AMER3: variants seen among roughly 807,000 people sequenced by gnomAD.
AMER3 encodes the protein APC membrane recruitment protein 3.
For missense variants in AMER3, 1,201 were observed against 1,139.4 expected (o/e 1.05, Z -0.78); for synonymous variants, 541 against 485.5 (o/e 1.11, Z -1.50).
chr2:130,762,827 A>C lies in AMER3; in HGVS notation c.755A>C (p.Glu252Ala). The change falls in exon 2 of 2, where the codon GAG becomes GCG. Residue 252 changes from glutamate to alanine, a missense_variant. Transcript: ENST00000321420. ...TTCGACTCGCTCACGGGTTGTGGGGAGGTGTTCGCAGATGAGAGCTCGGTG... is the reference window on the plus strand; with the variant it reads ...TTCGACTCGCTCACGGGTTGTGGGGCGGTGTTCGCAGATGAGAGCTCGGTG... ...QSFDSLTGCG[E>A]VFADESSVPS... is the part of the protein sequence containing the mutation. The C allele has an allele frequency of 6.2e-7, 1 of 1,613,312 alleles. No individual in the cohort carries two copies. The highest frequency in any genetic ancestry group is 8.5e-7 in the Non-Finnish European group (1 of 1,179,892).
Position 130,764,452 on chromosome 2 carries a change from G to C in AMER3, c.2380G>C (p.Glu794Gln). The C allele has an allele frequency of 6.2e-7, 1 of 1,602,596 alleles. No homozygotes were observed. Among genetic ancestry groups the C allele is most frequent in the South Asian group, 1.1e-5 (1 of 89,544 alleles). ...GGCACACGGCAGCCAGCTGGACTCT[G>C]AGCCCCGCTCAGCCCCTGCTGCCCG... ...QVAHGSQLDS[E>Q]PRSAPAARWS... The change falls in exon 2 of 2, where the codon GAG becomes CAG. Residue 794 changes from glutamate to glutamine, a missense_variant. Physicochemically the swap from Glu to Gln is conservative, Grantham distance 29 (BLOSUM62 2). Transcript: ENST00000321420.
rs1245031408 is a variant in AMER3 at position 130,755,956 on chromosome 2, G to A, written c.-20+282G>A. On this transcript the variant is annotated intron_variant, in intron 1 of 1. Coordinates refer to ENST00000321420, the MANE Select transcript of AMER3 (RefSeq NM_152698.3). ...ACAGCGGCGGGGGCGCCGTGCGCAC[G>A]GGGGCGAGGGGAGACGACTGCACCT... The A allele has an allele frequency of 2.6e-5, 4 of 152,324 alleles. No individual in the cohort carries two copies. In the East Asian group the frequency reaches 7.8e-4, roughly 30 times the overall value. The allele number at this position is 152,324 out of a possible 1,614,324, so 9.4% of individuals were successfully genotyped here.
At chr2:130,757,023 G>A (rs1213914801) in intron 1 of AMER3, among the ~76,000 whole-genome samples, 1 of 152,120 alleles carries the variant, frequency 6.6e-6, no homozygotes, top group African/African-American at 2.4e-5. Context: ...ACCGGGGAAG[G>A]CATAGAAAAT....
At chr2:130,758,428 A>AGGAG (rs1260020738) in intron 1 of AMER3, among the ~76,000 whole-genome samples, 3 of 151,314 alleles carry the variant, frequency 2.0e-5, no homozygotes, top group Non-Finnish European at 4.4e-5. Flanking sequence ...GAAAGAAAGA[A>AGGAG]GGAGGGAGGG....
rs1678815044 is a variant in AMER3, at chr2:130,762,451, A to T, written c.379A>T (p.Ile127Phe). Residue 127 changes from isoleucine (I) to phenylalanine (F), a missense_variant, in exon 2 of 2, where the codon ATC (isoleucine) becomes TTC (phenylalanine). Coordinates refer to ENST00000321420, the MANE Select transcript of AMER3 (RefSeq NM_152698.3). Reference protein sequence around the residue: ...FPGSPGSRRMIDYRHFVPQMP... With the variant: ...FPGSPGSRRMFDYRHFVPQMP... Reference sequence around the variant, plus strand: ...GGGCTCCCCGGGCAGCCGGCGCATGATCGACTACCGCCACTTTGTGCCCCA... The same window carrying T: ...GGGCTCCCCGGGCAGCCGGCGCATGTTCGACTACCGCCACTTTGTGCCCCA... 6.2e-7 allele frequency: 1 copy of T among 1,612,858 alleles called. No homozygotes were observed. Among genetic ancestry groups the T allele is most frequent in the Non-Finnish European group, 8.5e-7 (1 of 1,179,978 alleles).
rs746316318 is a variant in AMER3 at position 130,762,134 on chromosome 2, C to T, written c.62C>T (p.Pro21Leu). The part of the protein sequence containing the change: ...KSSLQVSHEK[P>L]PDPAAVAAAR... ...AGCCTGCAGGTTTCCCACGAGAAAC[C>T]CCCAGACCCAGCAGCCGTGGCTGCA... The change falls in exon 2 of 2, where the codon CCC (proline) becomes CTC (leucine). Residue 21 changes from proline (P) to leucine (L), a missense_variant. By Grantham distance (98) the Pro-to-Leu change is moderately conservative. Coordinates refer to ENST00000321420, the MANE Select transcript of AMER3 (RefSeq NM_152698.3). 2.3e-5 allele frequency: 37 copies of T among 1,610,456 alleles called. No homozygotes were observed. The Middle Eastern group carries it at 4.9e-4, about 21-fold the overall frequency.
rs1029828049 is a variant in AMER3, at chr2:130,764,254, A to G, written c.2182A>G (p.Met728Val). 2.5e-6 allele frequency: 4 copies of G among 1,610,330 alleles called. No individual in the cohort carries two copies. The highest frequency in any genetic ancestry group is 3.4e-6 in the Non-Finnish European group (4 of 1,178,332). The change falls in exon 2 of 2, where the codon ATG becomes GTG. Residue 728 changes from methionine (M) to valine (V), a missense_variant. By Grantham distance (21) the Met-to-Val change is conservative. Transcript: ENST00000321420. ...EQKQSSSSPSMTTIHGLPYSA... is the reference protein window; with the variant it reads ...EQKQSSSSPSVTTIHGLPYSA... Reference sequence around the variant, plus strand: ...GAAACAGTCCAGCAGCTCCCCCAGCATGACCACCATCCATGGCCTACCCTA... The same window carrying G: ...GAAACAGTCCAGCAGCTCCCCCAGCGTGACCACCATCCATGGCCTACCCTA...
chr2:130,759,282 T>C (rs887603520), intron 1 of AMER3, among the ~76,000 whole-genome samples: 3 of 152,244 alleles, frequency 2.0e-5, no homozygotes, highest in Admixed American at 1.3e-4. Context: ...TAAAGGATCA[T>C]TTTTCAAGTT....
Position 130,764,500 on chromosome 2 carries a change from C to A in AMER3, c.2428C>A (p.Pro810Thr). Residue 810 changes from proline (P) to threonine (T), a missense_variant, in exon 2 of 2, where the codon CCA (proline) becomes ACA (threonine). Coordinates refer to ENST00000321420, the MANE Select transcript of AMER3 (RefSeq NM_152698.3). ...AARWSSQGHH[P>T]ESLGLTLNSQ... ...CCGGTGGAGTTCCCAGGGCCACCAT[C>A]CAGAAAGCCTGGGCCTCACTTTGAA... is the stretch of plus-strand genomic sequence containing the variant. 6.2e-7 allele frequency: 1 copy of A among 1,601,162 alleles called. No individual in the cohort carries two copies. Among genetic ancestry groups the A allele is most frequent in the Non-Finnish European group, 8.5e-7 (1 of 1,174,474 alleles).
intron 1 of AMER3, among the ~76,000 whole-genome samples, chr2:130,760,002 G>C (rs923122224): frequency 3.9e-5 from 6 of 152,196 alleles, no homozygotes; most frequent in Admixed American, 2.0e-4. Flanking sequence ...GAGCTTCGGA[G>C]GCCTTATCAC....
In AMER3 at chr2:130,766,483, CTTT is replaced by C. The variant is rs913069900; in HGVS notation, c.*1848_*1850del. ...GGCATGGCACCAGCATCTGCTGCTG[CTTT>C]TTTTTTTTTTTTTTTTTTTTTTGAG... On this transcript the variant is annotated 3_prime_UTR_variant, in exon 2 of 2. Coordinates refer to ENST00000321420, the MANE Select transcript of AMER3 (RefSeq NM_152698.3). 0.019 allele frequency: 1,682 copies of C among 86,868 alleles called. 14 individuals carry two copies. The highest frequency in any genetic ancestry group is 0.079 in the African/African-American group (1,541 of 19,470). 5.4% of individuals were successfully genotyped at this position (86,868 alleles called of 1,614,324 possible). A position where few individuals can be genotyped will look rare whatever the true frequency, so the allele number is the denominator to read the frequency against.
At chr2:130,760,879 G>A (rs189077324) in intron 1 of AMER3, among the ~76,000 whole-genome samples, 2 of 152,058 alleles carry the variant, frequency 1.3e-5, no homozygotes, top group South Asian at 2.1e-4. Flanking sequence ...TTCCCTCCTC[G>A]AGCTGTCCCA....
chr2:130,764,984 G>T lies in AMER3; in HGVS notation c.*326G>T. On this transcript the variant is annotated 3_prime_UTR_variant, in exon 2 of 2. Coordinates refer to ENST00000321420, the MANE Select transcript of AMER3 (RefSeq NM_152698.3). ...TAAATGGGAAGCAGAGAGCCAATGAGTCTGCCTGGGATGTGTGTGAATCCC... is the reference window on the plus strand; with the variant it reads ...TAAATGGGAAGCAGAGAGCCAATGATTCTGCCTGGGATGTGTGTGAATCCC... The T allele has an allele frequency of 3.6e-6, 1 of 276,698 alleles. No individual in the cohort carries two copies. The highest frequency in any genetic ancestry group is 7.3e-6 in the Non-Finnish European group (1 of 136,892). 17.1% of individuals were successfully genotyped at this position (276,698 alleles called of 1,614,324 possible). A position where few individuals can be genotyped will look rare whatever the true frequency, so the allele number is the denominator to read the frequency against.
At position 130,763,415 on chromosome 2, in the gene AMER3, T is replaced by C; in HGVS notation, c.1343T>C (p.Leu448Pro). 2 of 1,612,948 alleles carry C rather than the reference T, an allele frequency of 1.2e-6. No individual in the cohort carries two copies. Among genetic ancestry groups the C allele is most frequent in the Non-Finnish European group, 1.7e-6 (2 of 1,179,982 alleles). Residue 448 changes from leucine (L) to proline (P), a missense_variant, in exon 2 of 2, where the codon CTG (leucine) becomes CCG (proline). By Grantham distance (98) the Leu-to-Pro change is moderately conservative. Coordinates refer to ENST00000321420, the MANE Select transcript of AMER3 (RefSeq NM_152698.3). The stretch of plus-strand genomic sequence containing the variant: ...GATGACCTGTGCGTGTCTGAGAGTC[T>C]GTCAGGGCCGGCCCTGGGGACGCCA... ...PDDDLCVSES[L>P]SGPALGTPLS...
chr2:130,760,183 T>C (rs1678735203), intron 1 of AMER3, among the ~76,000 whole-genome samples: 1 of 152,186 alleles, frequency 6.6e-6, no homozygotes, highest in African/African-American at 2.4e-5. Flanking sequence ...CCAGCCCAGG[T>C]TCTGTGGCTC....
Position 130,762,661 on chromosome 2 carries a change from C to T in AMER3, c.589C>T (p.Arg197Ter), listed in dbSNP as rs1553491167. 2 of 1,610,674 alleles carry T rather than the reference C, an allele frequency of 1.2e-6. No individual in the cohort carries two copies. The highest frequency in any genetic ancestry group is 1.7e-6 in the Non-Finnish European group (2 of 1,179,608). ...GGACCCGTCAGACCCTGGGGGGCGG[C>T]GAAGCAAAGCCTTCCTCCCCCCGGG... ...PGDPSDPGGR[R>*]SKAFLPPGEG... Residue 197 changes from arginine (R) to a stop codon, truncating the protein, a stop_gained, in exon 2 of 2, where the codon CGA becomes TGA. Coordinates refer to ENST00000321420, the MANE Select transcript of AMER3 (RefSeq NM_152698.3). LOFTEE classifies it low-confidence loss of function (END_TRUNC).
chr2:130,761,393 C>T (rs1361090405), intron 1 of AMER3, among the ~76,000 whole-genome samples: 1 of 152,248 alleles, frequency 6.6e-6, no homozygotes, highest in Non-Finnish European at 1.5e-5. Flanking sequence ...GCTGCCTACC[C>T]TTGCAGCTCT....
rs1679028745 is a variant in AMER3 at position 130,767,908 on chromosome 2, C to G, written c.*3250C>G. The G allele has an allele frequency of 6.0e-6, 1 of 167,276 alleles. No homozygotes were observed. Among genetic ancestry groups the G allele is most frequent in the African/African-American group, 2.4e-5 (1 of 41,476 alleles). 10.4% of individuals were successfully genotyped at this position (167,276 alleles called of 1,614,324 possible). On this transcript the variant is annotated 3_prime_UTR_variant, in exon 2 of 2. Transcript: ENST00000321420. The stretch of plus-strand genomic sequence containing the variant: ...TGCTCTTCCTCAAGCTCCAGAACCT[C>G]TCACTGAGCTCCTGCAGTGAAGTCC...
Position 130,763,868 on chromosome 2 carries a change from C to G in AMER3, c.1796C>G (p.Ala599Gly). Residue 599 changes from alanine (A) to glycine (G), a missense_variant, in exon 2 of 2, where the codon GCC becomes GGC. Transcript: ENST00000321420. ...TQGTGTLSRD[A>G]SREEETRGHS... ...GGGACTGGCACACTGTCCAGGGATG[C>G]CTCTCGAGAGGAAGAGACACGAGGT... 6.2e-7 allele frequency: 1 copy of G among 1,613,468 alleles called. No homozygotes were observed. Among genetic ancestry groups the G allele is most frequent in the South Asian group, 1.1e-5 (1 of 91,090 alleles).
Sources: gnomAD v4.1 joint callset for allele counts (sites outside exome capture counted in the v4.1 genomes callset) on GRCh38, gnomAD v4.1.1 for gene constraint, MANE v1.5 for transcripts, NCBI Gene and HGNC (gene_info 2026-07-23, HGNC 2026-07-21) for gene names.